ACADSB: variants seen among roughly 807,000 people sequenced by gnomAD.
ACADSB encodes short/branched chain specific acyl-CoA dehydrogenase, mitochondrial.
ACADSB carries 40 observed loss-of-function variants against 54.1 expected under a neutral mutation model. That is an observed-to-expected ratio of 0.74 (90% CI 0.57 to 0.96). The LOEUF (loss-of-function observed/expected upper bound fraction) is 0.96, where lower values mean the gene tolerates loss of function less well. ACADSB is among the 40% of genes least tolerant of loss of function. The probability of loss-of-function intolerance (pLI) is 0.00; values close to 1 mark genes in which losing one functional copy is unlikely to be tolerated. For synonymous variants in ACADSB, 182 were observed against 182.8 expected, an observed-to-expected ratio of 1.00 and a Z score of 0.03; for missense variants, 530 against 510.4, an observed-to-expected ratio of 1.04 and a Z score of -0.37.
At position 123,047,271 on chromosome 10, in the gene ACADSB, A is replaced by C. The variant is rs1179122135; in HGVS notation, c.963A>C (p.Gln321His). Residue 321 changes from glutamine to histidine, a missense_variant, in exon 8 of 11, where the codon CAA (glutamine) becomes CAC (histidine). Coordinates refer to ENST00000358776, the MANE Select transcript of ACADSB (RefSeq NM_001609.4). ...TTCCATATATTAAAGAAAGGATACA[A>C]TTTGGCAAAAGACTATTTGATTTTC... ...YTIPYIKERI[Q>H]FGKRLFDFQG... 4 of 1,604,908 alleles carry C rather than the reference A, an allele frequency of 2.5e-6. No individual in the cohort carries two copies. In the South Asian group the frequency reaches 4.4e-5, roughly 18 times the overall value.
At chr10:123,039,605 G>A (rs560951482) in intron 3 of ACADSB, among the ~76,000 whole-genome samples, 4 of 152,142 alleles carry the variant, frequency 2.6e-5, no homozygotes, top group Admixed American at 6.5e-5. Context: ...ATGAAGTGGC[G>A]TAAAAGGAAT....
At chr10:123,039,527 C>G (rs142417386) in intron 3 of ACADSB, among the ~76,000 whole-genome samples, 14 of 152,268 alleles carry the variant, frequency 9.2e-5, no homozygotes, top group Admixed American at 2.0e-4. Context: ...TTTACCAGGC[C>G]CTCGTGCTTT....
chr10:123,020,658 C>T (rs1850172601), intron 1 of ACADSB, among the ~76,000 whole-genome samples: 1 of 152,170 alleles, frequency 6.6e-6, no homozygotes, highest in South Asian at 2.1e-4. Context: ...AAACTGTTTT[C>T]CAGAGTGACT....
intron 3 of ACADSB, 27 bp downstream of exon 3, chr10:123,037,874 A>T: frequency 6.9e-7 from 1 of 1,449,292 alleles, no homozygotes. Flanking sequence ...TTCCACTTTC[A>T]AGCTTCTATA....
chr10:123,040,687 A>T lies in ACADSB; in HGVS notation c.510+15A>T. ...CTACAGAAAAAGTGAGTTGAGATGA[A>T]TTGTTGATCTAATGGATCTAATCTT... On this transcript the variant is annotated intron_variant, in intron 4 of 10. Coordinates refer to ENST00000358776, the MANE Select transcript of ACADSB (RefSeq NM_001609.4). The T allele has an allele frequency of 6.3e-7, 1 of 1,598,560 alleles. No individual in the cohort carries two copies. The highest frequency in any genetic ancestry group is 8.6e-7 in the Non-Finnish European group (1 of 1,165,962).
At chr10:123,030,963 G>A (rs577014781) in intron 1 of ACADSB, among the ~76,000 whole-genome samples, 2 of 152,124 alleles carry the variant, frequency 1.3e-5, no homozygotes, top group Non-Finnish European at 2.9e-5. Flanking sequence ...CCCCAAAGAC[G>A]CTAGATATAA....
At chr10:123,025,787 G>A (rs1589735011) in intron 1 of ACADSB, among the ~76,000 whole-genome samples, 1 of 152,174 alleles carries the variant, frequency 6.6e-6, no homozygotes, top group Non-Finnish European at 1.5e-5. Context: ...GCCCAGTGTG[G>A]TGGTGGCTCA....
intron 1 of ACADSB, among the ~76,000 whole-genome samples, chr10:123,014,711 T>C (rs967938825): frequency 1.3e-5 from 2 of 152,232 alleles, no homozygotes; most frequent in Non-Finnish European, 2.9e-5. Context: ...AGATAGCATG[T>C]TGCTAATGCT....
intron 1 of ACADSB, among the ~76,000 whole-genome samples, chr10:123,009,591 G>A (rs904853337): frequency 6.6e-6 from 1 of 152,186 alleles, no homozygotes; most frequent in African/African-American, 2.4e-5. Flanking sequence ...GAGTTGTTCG[G>A]GCTTCCCGGC....
intron 8 of ACADSB, among the ~76,000 whole-genome samples, chr10:123,049,233 C>T (rs1589745133): frequency 6.6e-6 from 1 of 152,162 alleles, no homozygotes; most frequent in East Asian, 1.9e-4. Context: ...TGCATGCATT[C>T]GTTCATATCT....
intron 5 of ACADSB, among the ~76,000 whole-genome samples, chr10:123,042,215 C>T (rs1589741964): frequency 1.3e-5 from 2 of 151,968 alleles, no homozygotes; most frequent in African/African-American, 2.4e-5. Flanking sequence ...ATCTGCCTGC[C>T]TCGGCCTCCC....
chr10:123,010,825 A>G (rs527922261), intron 1 of ACADSB, among the ~76,000 whole-genome samples: 1 of 152,346 alleles, frequency 6.6e-6, no homozygotes, highest in Non-Finnish European at 1.5e-5. Context: ...CTTTTAGAGG[A>G]AAGGTTAGAA....
chr10:123,009,584 T>A (rs946967686), intron 1 of ACADSB, among the ~76,000 whole-genome samples: 1 of 152,118 alleles, frequency 6.6e-6, no homozygotes, highest in African/African-American at 2.4e-5. Context: ...GACTTCGGAG[T>A]TGTTCGGGCT....
At chr10:123,012,396 G>C (rs1327941892) in intron 1 of ACADSB, among the ~76,000 whole-genome samples, 1 of 152,230 alleles carries the variant, frequency 6.6e-6, no homozygotes, top group Non-Finnish European at 1.5e-5. Context: ...GAGGTTTTGA[G>C]TGGTGGGGCC....
At chr10:123,044,363 T>G in intron 6 of ACADSB, 30 bp from the exon 7 acceptor site, 2 of 1,530,958 alleles carry the variant, frequency 1.3e-6, no homozygotes, top group Non-Finnish European at 1.8e-6. Context: ...AAAATGAAAC[T>G]GAGAAATAAG....
At chr10:123,009,396 G>T (rs974002814) in intron 1 of ACADSB, among the ~76,000 whole-genome samples, 4 of 152,154 alleles carry the variant, frequency 2.6e-5, no homozygotes, top group African/African-American at 9.7e-5. Flanking sequence ...TGGATCTCTG[G>T]ATCTCTGGAT....
In ACADSB at chr10:123,047,223, G is replaced by A. The variant is rs371907721; in HGVS notation, c.915G>A (p.Ala305=). ...TGTTTTAACAGATGCTGGGACTGGCGCAAGGATGTTTTGACTACACTATTC... is the reference window on the plus strand; with the variant it reads ...TGTTTTAACAGATGCTGGGACTGGCACAAGGATGTTTTGACTACACTATTC... The part of the protein sequence containing the change: ...IGIAAQMLGL[A]QGCFDYTIPY... Residue 305 remains alanine (A), a synonymous_variant, in exon 8 of 11, where the codon GCG becomes GCA. Coordinates refer to ENST00000358776, the MANE Select transcript of ACADSB (RefSeq NM_001609.4). The A allele has an allele frequency of 6.8e-5, 109 of 1,608,180 alleles. No homozygotes were observed. Among genetic ancestry groups the A allele is most frequent in the South Asian group, 4.3e-4 (39 of 90,972 alleles).
At chr10:123,041,111 A>T in intron 4 of ACADSB, 98 bp from the exon 5 acceptor site, 1 of 1,330,222 alleles carries the variant, frequency 7.5e-7, no homozygotes, top group East Asian at 2.3e-5. Context: ...AAAAGCAGCT[A>T]AAGATTTGAT....
chr10:123,051,188 T>TAAAAAAAAAAAAAAAAAAAAAAAAAA lies in ACADSB; in HGVS notation c.1128+26_1128+27insAAAAAAAAAAAAAAAAAAAAAAAAAA. On this transcript the variant is annotated splice_region_variant and intron_variant, in intron 9 of 10. Coordinates refer to ENST00000358776, the MANE Select transcript of ACADSB (RefSeq NM_001609.4). ...ATGGCCAAATACTATGCATCAGAGG[T>TAAAAAAAAAAAAAAAAAAAAAAAAAA]AAAAAAAAAAAAAAAAAAAAAAAAG... 9.8e-7 allele frequency: 1 copy of TAAAAAAAAAAAAAAAAAAAAAAAAAA among 1,015,738 alleles called. No homozygotes were observed. Among genetic ancestry groups the TAAAAAAAAAAAAAAAAAAAAAAAAAA allele is most frequent in the Non-Finnish European group, 1.2e-6 (1 of 824,600 alleles). 62.9% of individuals were successfully genotyped at this position (1,015,738 alleles called of 1,614,324 possible).
Sources: allele counts gnomAD v4.1 joint callset (sites outside exome capture counted in the v4.1 genomes callset), GRCh38; gene constraint gnomAD v4.1.1; transcripts MANE v1.5; gene names NCBI Gene and HGNC (gene_info 2026-07-23, HGNC 2026-07-21).